CHD7: variants seen among roughly 807,000 people sequenced by gnomAD.
CHD7 encodes the protein ATP-dependent chromatin remodeler CHD7.
In CHD7, 24 loss-of-function variants were observed where a neutral mutation model predicts 307.3. The observed-to-expected ratio is 0.08, with a 90% CI of 0.06 to 0.11. The LOEUF is 0.11. Ranked by LOEUF, CHD7 falls within the 10% of genes least tolerant of loss-of-function variation. The pLI is 1.00. For synonymous variants in CHD7, 1,363 were observed against 1,349.9 expected (o/e 1.01, Z -0.21); for missense variants, 3,106 against 3,727.1 (o/e 0.83, Z 4.34).
intron 1 of CHD7, among the ~76,000 whole-genome samples, chr8:60,683,432 A>G (rs1180883535): frequency 3.3e-5 from 5 of 152,240 alleles, no homozygotes; most frequent in African/African-American, 9.6e-5. Context: ...CATCATGACT[A>G]TGTGTCCATA....
In CHD7 at chr8:60,837,926, T is replaced by C. The variant is rs907856314; in HGVS notation, c.4353+91T>C. 3.0e-6 allele frequency: 4 copies of C among 1,342,382 alleles called. No individual in the cohort carries two copies. The African/African-American group carries it at 5.9e-5, about 20-fold the overall frequency. The allele number at this position is 1,342,382 out of a possible 1,614,324, so 83.2% of individuals were successfully genotyped here. A position where few individuals can be genotyped will look rare whatever the true frequency, so the allele number is the denominator to read the frequency against. ...GAAATTACTCAGCCTTTGATTATTT[T>C]TCGACCTCAATATTTTAAGTGTATT... On this transcript the variant is annotated intron_variant, in intron 18 of 37. Coordinates refer to ENST00000423902, the MANE Select transcript of CHD7 (RefSeq NM_017780.4).
At chr8:60,756,207 C>T (rs1809883229) in intron 2 of CHD7, among the ~76,000 whole-genome samples, 1 of 152,144 alleles carries the variant, frequency 6.6e-6, no homozygotes, top group Admixed American at 6.5e-5. Context: ...TTTTTTGTTG[C>T]ATATGTAGCC....
intron 1 of CHD7, among the ~76,000 whole-genome samples, chr8:60,704,469 C>T (rs2150513036): frequency 6.6e-6 from 1 of 152,182 alleles, no homozygotes; most frequent in Admixed American, 6.5e-5. Context: ...CTGGGGTCTT[C>T]TTGCCCAAAG....
Position 60,856,510 on chromosome 8 carries a change from G to A in CHD7, c.7230G>A (p.Glu2410=), listed in dbSNP as rs1277346714. ...GGAGGAGGAGAAAAATCGAAATTGA[G>A]GCCGAAAGAGCTGCCAAGAGGCGAA... ...RRRRRRKIEI[E]AERAAKRRNL... is the part of the protein sequence containing the mutation. Residue 2410 remains glutamate, a synonymous_variant, in exon 34 of 38, where the codon GAG becomes GAA. Transcript: ENST00000423902. 6.2e-7 allele frequency: 1 copy of A among 1,613,878 alleles called. No homozygotes were observed. Among genetic ancestry groups the A allele is most frequent in the South Asian group, 1.1e-5 (1 of 91,070 alleles).
In CHD7 at chr8:60,856,682, C is replaced by T; in HGVS notation, c.7402C>T (p.Pro2468Ser). The change falls in exon 34 of 38, where the codon CCT (proline) becomes TCT (serine). Residue 2468 changes from proline to serine, a missense_variant. This residue lies in a region of CHD7 where 1,030 missense variants were observed against 1,165.4 expected (regional missense o/e 0.88). Transcript: ENST00000423902. ...FSSLSSKFIL[P>S]NVSTPVSDAF... ...ATCTCTTTCTTCAAAGTTTATCTTG[C>T]CTAATGTCTCAACACCAGTGTCTGA... 1.2e-6 allele frequency: 2 copies of T among 1,614,056 alleles called. No individual in the cohort carries two copies. Among genetic ancestry groups the T allele is most frequent in the Non-Finnish European group, 8.5e-7 (1 of 1,179,896 alleles).
At chr8:60,770,667 T>G (rs1473575224) in intron 2 of CHD7, among the ~76,000 whole-genome samples, 1 of 152,202 alleles carries the variant, frequency 6.6e-6, no homozygotes, top group African/African-American at 2.4e-5. Context: ...TTTTAATTTT[T>G]TTTTCTTTTT....
At position 60,865,724 on chromosome 8, in the gene CHD7, A is replaced by G. The variant is rs2129770019; in HGVS notation, c.8785A>G (p.Asn2929Asp). 6.2e-7 allele frequency: 1 copy of G among 1,609,858 alleles called. No homozygotes were observed. The highest frequency in any genetic ancestry group is 1.3e-5 in the African/African-American group (1 of 74,810). ...PGFPALAGLQ[N>D]AVGSSEEKAA... ...GTTCCCAGCATTGGCAGGACTTCAG[A>G]ATGCCGTGGGCTCCAGCGAAGAAAA... The change falls in exon 38 of 38, where the codon AAT (asparagine) becomes GAT (aspartate). Residue 2929 changes from asparagine to aspartate, a missense_variant. Coordinates refer to ENST00000423902, the MANE Select transcript of CHD7 (RefSeq NM_017780.4). This position sits in a 1 kb window ranked among gnomAD's most constrained non-coding sequence, Gnocchi z 4.3.
chr8:60,711,856 GT>G (rs1807295789), intron 1 of CHD7, among the ~76,000 whole-genome samples: 1 of 152,228 alleles, frequency 6.6e-6, no homozygotes. Context: ...GTGATACATA[GT>G]AGCCAGAACA....
chr8:60,743,149 C>T (rs1809145301), intron 2 of CHD7, 52 bp downstream of exon 2: 1 of 1,480,538 alleles, frequency 6.8e-7, no homozygotes, highest in African/African-American at 1.4e-5. Context: ...TTCAACATGG[C>T]TAACTTGTCT....
At chr8:60,725,536 T>A (rs1470479510) in intron 1 of CHD7, among the ~76,000 whole-genome samples, 2 of 152,206 alleles carry the variant, frequency 1.3e-5, no homozygotes, top group African/African-American at 4.8e-5. Flanking sequence ...ATTTTATTGT[T>A]GGAAAAGGAA....
chr8:60,845,895 G>C (rs745310410), intron 23 of CHD7, among the ~76,000 whole-genome samples: 1 of 152,098 alleles, frequency 6.6e-6, no homozygotes, highest in Non-Finnish European at 1.5e-5. Flanking sequence ...CTGGCCCCTG[G>C]CAATCACCAT....
chr8:60,698,307 C>T (rs1044732576), intron 1 of CHD7, among the ~76,000 whole-genome samples: 10 of 152,094 alleles, frequency 6.6e-5, no homozygotes, highest in Admixed American at 2.6e-4. Flanking sequence ...AGGATTTTTG[C>T]GTCAGTTAGG....
chr8:60,852,394 C>T, intron 29 of CHD7, 104 bp from the exon 30 acceptor site: 1 of 1,318,850 alleles, frequency 7.6e-7, no homozygotes, highest in Non-Finnish European at 1.0e-6. Context: ...TCCCCACCCC[C>T]AAATAACTAC....
intron 17 of CHD7, among the ~76,000 whole-genome samples, chr8:60,837,419 C>A (rs545727175): frequency 6.6e-6 from 1 of 152,308 alleles, no homozygotes; most frequent in South Asian, 2.1e-4. Context: ...TGAGGGCCCT[C>A]TTCCTGGTTT....
intron 3 of CHD7, among the ~76,000 whole-genome samples, chr8:60,792,918 G>T (rs1811842512): frequency 6.6e-6 from 1 of 152,158 alleles, no homozygotes; most frequent in South Asian, 2.1e-4. Context: ...AAGCAGTTTT[G>T]CACTGATTTG....
At chr8:60,735,062 G>A (rs76997703) in intron 1 of CHD7, among the ~76,000 whole-genome samples, 176 of 152,290 alleles carry the variant, frequency 1.2e-3, no homozygotes, top group African/African-American at 4.0e-3. Flanking sequence ...TAGCAGGTTG[G>A]GAAATGCACT....
chr8:60,737,601 C>A (rs1808773639), intron 1 of CHD7, among the ~76,000 whole-genome samples: 1 of 152,036 alleles, frequency 6.6e-6, no homozygotes. Context: ...TCGTTGTGAC[C>A]CCTCCTCACC....
intron 29 of CHD7, 68 bp downstream of exon 29, chr8:60,852,315 C>A: frequency 7.0e-7 from 1 of 1,432,268 alleles, no homozygotes; most frequent in Non-Finnish European, 9.6e-7. Context: ...TGTAGACCCA[C>A]AAGAGACAGG....
chr8:60,753,711 A>G (rs1329015801), intron 2 of CHD7, among the ~76,000 whole-genome samples: 2 of 151,456 alleles, frequency 1.3e-5, no homozygotes, highest in Non-Finnish European at 1.5e-5. Flanking sequence ...TGCAGACTCC[A>G]TCTCCTGGGC....
Sources: allele counts gnomAD v4.1 joint callset (sites outside exome capture counted in the v4.1 genomes callset), GRCh38; gene constraint gnomAD v4.1.1; regional missense constraint gnomAD v4.1.1; non-coding constraint Gnocchi (gnomAD v3.1); transcripts MANE v1.5; gene names NCBI Gene and HGNC (gene_info 2026-07-23, HGNC 2026-07-21).